PCNX4: variants seen among roughly 807,000 people sequenced by gnomAD.
The protein encoded by PCNX4 is pecanex-like protein 4.
PCNX4 carries 103 observed loss-of-function variants against 107.2 expected under a neutral mutation model. The observed-to-expected ratio is 0.96, with a 90% CI of 0.82 to 1.13. The LOEUF is 1.13. Ranked by LOEUF, PCNX4 falls within the 50% of genes most tolerant of loss-of-function variation. The pLI is 0.00. For missense variants in PCNX4, 1,528 were observed against 1,379.4 expected (o/e 1.11, Z -1.71); for synonymous variants, 541 against 481.7 (o/e 1.12, Z -1.61).
chr14:60,125,658 T>G lies in PCNX4; in HGVS notation c.3102T>G (p.Ile1034Met), dbSNP rs1218356763. Reference protein sequence around the residue: ...KAFRYTLKLMIDKASLGPIED... With the variant: ...KAFRYTLKLMMDKASLGPIED... ...TTAGGTATACTCTGAAACTAATGAT[T>G]GATAAAGCAAGTTTAGGTCCAATAG... The change falls in exon 10 of 11, where the codon ATT (isoleucine) becomes ATG (methionine). Residue 1034 changes from isoleucine (I) to methionine (M), a missense_variant. By Grantham distance (10) the Ile-to-Met change is conservative. Transcript: ENST00000406854. The G allele has an allele frequency of 1.3e-6, 2 of 1,540,816 alleles. No individual in the cohort carries two copies. The highest frequency in any genetic ancestry group is 1.4e-5 in the African/African-American group (1 of 72,014).
At chr14:60,120,175 C>T (rs1175977438) in intron 7 of PCNX4, among the ~76,000 whole-genome samples, 1 of 152,106 alleles carries the variant, frequency 6.6e-6, no homozygotes, top group Non-Finnish European at 1.5e-5. Flanking sequence ...GTAAAAGAGA[C>T]CAGGTGCAAG....
Position 60,123,266 on chromosome 14 carries a change from T to C in PCNX4, c.2047-952T>C, listed in dbSNP as rs1663731605. 1.3e-5 allele frequency among the ~76,000 whole-genome samples: 2 copies of C among 152,212 alleles called. 1 individual carries two copies. Among genetic ancestry groups the C allele is most frequent in the South Asian group, 4.1e-4 (2 of 4,832 alleles). On this transcript the variant is annotated intron_variant, in intron 8 of 10. Coordinates refer to ENST00000406854, the MANE Select transcript of PCNX4 (RefSeq NM_001330177.2). ...TACTCTTTTTTTCTGTCTGTCTTTT[T>C]TTGACACAAGCTGGGTTAGGCCATG... is the stretch of plus-strand genomic sequence containing the variant.
chr14:60,114,793 G>A lies in PCNX4; in HGVS notation c.783G>A (p.Leu261=), dbSNP rs1282499110. Residue 261 remains leucine (L), a synonymous_variant, in exon 3 of 11, where the codon CTG becomes CTA. Coordinates refer to ENST00000406854, the MANE Select transcript of PCNX4 (RefSeq NM_001330177.2). ...CCTTTCTGTGGGCACTTGGGACTCT[G>A]CCCCCACCCGATGCACTTCTCTTAT... The part of the protein sequence containing the change: ...FLPFLWALGT[L]PPPDALLLWA... 2 of 1,613,732 alleles carry A rather than the reference G, an allele frequency of 1.2e-6. No individual in the cohort carries two copies. Among genetic ancestry groups the A allele is most frequent in the East Asian group, 2.2e-5 (1 of 44,874 alleles).
rs1482158453 is a variant in PCNX4 at position 60,137,304 on chromosome 14, A to G, written c.*3083A>G. ...TTAGAGGGACAAAAACTGGAGACCAAGACTCTCCAAGGAAGTAGGGGAGGG... is the reference window on the plus strand; with the variant it reads ...TTAGAGGGACAAAAACTGGAGACCAGGACTCTCCAAGGAAGTAGGGGAGGG... On this transcript the variant is annotated 3_prime_UTR_variant, in exon 11 of 11. Coordinates refer to ENST00000406854, the MANE Select transcript of PCNX4 (RefSeq NM_001330177.2). The G allele has an allele frequency of 6.6e-6, 1 of 152,244 alleles. No homozygotes were observed. 9.4% of individuals were successfully genotyped at this position (152,244 alleles called of 1,614,324 possible).
At chr14:60,096,735 G>A (rs1022271797) in intron 1 of PCNX4, among the ~76,000 whole-genome samples, 4 of 152,154 alleles carry the variant, frequency 2.6e-5, no homozygotes, top group Admixed American at 6.5e-5. Context: ...CATATCTCTC[G>A]TACTGTTTGG....
At chr14:60,095,866 G>C (rs915441364) in intron 1 of PCNX4, among the ~76,000 whole-genome samples, 6 of 151,940 alleles carry the variant, frequency 3.9e-5, no homozygotes, top group African/African-American at 1.2e-4. Flanking sequence ...AGGGACCTAG[G>C]CCAGATTTAT....
intron 7 of PCNX4, among the ~76,000 whole-genome samples, chr14:60,120,011 A>C (rs1381511325): frequency 6.6e-6 from 1 of 152,152 alleles, no homozygotes; most frequent in Non-Finnish European, 1.5e-5. Context: ...TCCATGATTT[A>C]GTGATTCCAG....
chr14:60,122,581 C>T (rs1566517111), intron 8 of PCNX4, among the ~76,000 whole-genome samples: 1 of 152,020 alleles, frequency 6.6e-6, no homozygotes, highest in Non-Finnish European at 1.5e-5. Flanking sequence ...GCACTCCCAA[C>T]CCCCCCTTGC....
intron 2 of PCNX4, among the ~76,000 whole-genome samples, chr14:60,112,083 T>C (rs955544638): frequency 6.6e-6 from 1 of 152,210 alleles, no homozygotes; most frequent in Non-Finnish European, 1.5e-5. Context: ...AGTGTAGTAA[T>C]ATTTTCCTTC....
intron 1 of PCNX4, among the ~76,000 whole-genome samples, chr14:60,097,850 A>G (rs954559433): frequency 3.3e-5 from 5 of 152,160 alleles, no homozygotes; most frequent in Admixed American, 2.0e-4. Context: ...ACTACCCAAA[A>G]ACATCTACAG....
chr14:60,124,167 T>C (rs1029172644), intron 8 of PCNX4, 51 bp from the exon 9 acceptor site: 1 of 1,375,430 alleles, frequency 7.3e-7, no homozygotes, highest in Non-Finnish European at 9.7e-7. Flanking sequence ...AGTTGCTGTA[T>C]ATTATGTAAT....
Position 60,092,081 on chromosome 14 carries a change from C to A in PCNX4, c.-392C>A, listed in dbSNP as rs934544184. On this transcript the variant is annotated 5_prime_UTR_variant, in exon 1 of 11. Transcript: ENST00000406854. ...TGGCGCGAACGAAGCGCGCTATTTC[C>A]CTGCTTCCTCTAGGCCAAGCCTGCT... 3 of 152,352 alleles carry A rather than the reference C, an allele frequency of 2.0e-5. No individual in the cohort carries two copies. The highest frequency in any genetic ancestry group is 7.2e-5 in the African/African-American group (3 of 41,470). The allele number at this position is 152,352 out of a possible 1,614,324, so 9.4% of individuals were successfully genotyped here.
intron 1 of PCNX4, 123 bp downstream of exon 1, chr14:60,092,542 G>A (rs187272510): frequency 1.8e-3 from 268 of 152,292 alleles, no homozygotes; most frequent in African/African-American, 6.3e-3. Flanking sequence ...TTCGTTTTTC[G>A]TTGCAAAACC....
rs1241497576 is a variant in PCNX4 at position 60,147,692 on chromosome 14, TATC to T, written c.*13477_*13479del. On this transcript the variant is annotated 3_prime_UTR_variant, in exon 11 of 11. Transcript: ENST00000406854. ...TAACAATCCTGTGACTGGGCACTATTATCATCATTAATCTCCATCTTATATTAA... is the reference window on the plus strand; with the variant it reads ...TAACAATCCTGTGACTGGGCACTATTATCATTAATCTCCATCTTATATTAA... 1.3e-5 allele frequency: 2 copies of T among 152,236 alleles called. No individual in the cohort carries two copies. Among genetic ancestry groups the T allele is most frequent in the Non-Finnish European group, 2.9e-5 (2 of 68,046 alleles). The allele number at this position is 152,236 out of a possible 1,614,324, so 9.4% of individuals were successfully genotyped here.
At position 60,142,170 on chromosome 14, in the gene PCNX4, G is replaced by A. The variant is rs776104885; in HGVS notation, c.*7949G>A. 2 of 152,144 alleles carry A rather than the reference G, an allele frequency of 1.3e-5. No individual in the cohort carries two copies. The highest frequency in any genetic ancestry group is 2.4e-5 in the African/African-American group (1 of 41,420). The allele number at this position is 152,144 out of a possible 1,614,324, so 9.4% of individuals were successfully genotyped here. A position where few individuals can be genotyped will look rare whatever the true frequency, so the allele number is the denominator to read the frequency against. On this transcript the variant is annotated 3_prime_UTR_variant, in exon 11 of 11. Coordinates refer to ENST00000406854, the MANE Select transcript of PCNX4 (RefSeq NM_001330177.2). The surrounding 1 kb of genome is among the most constrained non-coding windows in gnomAD (Gnocchi z 4.7). ...ATATGTGTTTACTCTCTTGATTGTG[G>A]TTATGGTTCACAAGTGTAGCCATAT...
chr14:60,108,566 T>C (rs1224422517), intron 2 of PCNX4: 1 of 307,762 alleles, frequency 3.2e-6, no homozygotes, highest in Non-Finnish European at 6.2e-6. Flanking sequence ...AAGGAACTTT[T>C]CAATTTTGTG....
chr14:60,114,483 C>T (rs1469297181), intron 2 of PCNX4, among the ~76,000 whole-genome samples: 2 of 152,118 alleles, frequency 1.3e-5, no homozygotes, highest in African/African-American at 4.8e-5. Flanking sequence ...TAAGCTTGTA[C>T]ACAATTGTAT....
intron 1 of PCNX4, among the ~76,000 whole-genome samples, chr14:60,106,199 T>C (rs1895625492): frequency 6.6e-6 from 1 of 152,156 alleles, no homozygotes; most frequent in Non-Finnish European, 1.5e-5. Flanking sequence ...CTGTGAAGAA[T>C]AGGTTCCAGG....
Position 60,145,275 on chromosome 14 carries a change from C to T in PCNX4, c.*11054C>T. 3.5e-6 allele frequency: 1 copy of T among 285,612 alleles called. No individual in the cohort carries two copies. Among genetic ancestry groups the T allele is most frequent in the Non-Finnish European group, 6.4e-6 (1 of 156,912 alleles). 17.7% of individuals were successfully genotyped at this position (285,612 alleles called of 1,614,324 possible). On this transcript the variant is annotated 3_prime_UTR_variant, in exon 11 of 11. Transcript: ENST00000406854. The surrounding 1 kb of genome is among the most constrained non-coding windows in gnomAD (Gnocchi z 4.0). ...GCATTGGACTGCAATGCTAAATTCT[C>T]TATAATGACTTTTCTGGATCAGCAT...
Sources: gnomAD v4.1 joint callset for allele counts (sites outside exome capture counted in the v4.1 genomes callset) on GRCh38, gnomAD v4.1.1 for gene constraint, Gnocchi (gnomAD v3.1) non-coding constraint, MANE v1.5 for transcripts, NCBI Gene and HGNC (gene_info 2026-07-23, HGNC 2026-07-21) for gene names.